GABRB2: variants seen among roughly 807,000 people sequenced by gnomAD.
GABRB2 encodes the protein gamma-aminobutyric acid receptor subunit beta-2.
GABRB2 carries 16 observed loss-of-function variants against 54.7 expected under a neutral mutation model. The observed-to-expected ratio is 0.29, with a 90% CI of 0.20 to 0.44. GABRB2 has a LOEUF of 0.44. GABRB2 is among the 20% of genes least tolerant of loss of function. The pLI, the probability that GABRB2 is intolerant of heterozygous loss-of-function variation, is 1.00. For missense variants in GABRB2, 355 were observed against 644.0 expected (o/e 0.55, Z 4.86); for synonymous variants, 244 against 233.8 (o/e 1.04, Z -0.40).
intron 4 of GABRB2, among the ~76,000 whole-genome samples, chr5:161,448,848 C>T (rs1178978624): frequency 6.6e-6 from 1 of 152,070 alleles, no homozygotes; most frequent in Non-Finnish European, 1.5e-5. Context: ...TTAAGTTACA[C>T]CTGAGGAATG....
chr5:161,457,259 C>T (rs1289401533), intron 4 of GABRB2, among the ~76,000 whole-genome samples: 2 of 151,824 alleles, frequency 1.3e-5, no homozygotes, highest in Non-Finnish European at 2.9e-5. Context: ...TTTTAATAGC[C>T]CTTGATGGAA....
chr5:161,530,867 G>T (rs1270249875), intron 3 of GABRB2, among the ~76,000 whole-genome samples: 1 of 152,058 alleles, frequency 6.6e-6, no homozygotes, highest in African/African-American at 2.4e-5. Flanking sequence ...TACACCAGAT[G>T]CAAATGTGCA....
chr5:161,463,317 CCACACACACACA>C (rs137863733), intron 3 of GABRB2, among the ~76,000 whole-genome samples: 6 of 141,188 alleles, frequency 4.2e-5, no homozygotes, highest in Admixed American at 1.4e-4. Context: ...TACACACACA[CCACACACACACA>C]CACACACACA....
At chr5:161,390,703 T>A (rs1486906817) in intron 5 of GABRB2, among the ~76,000 whole-genome samples, 4 of 152,016 alleles carry the variant, frequency 2.6e-5, no homozygotes, top group African/African-American at 4.8e-5. Context: ...TTAAAAAATT[T>A]AAAAAAATAG....
At chr5:161,442,336 G>A (rs1458373754) in intron 4 of GABRB2, among the ~76,000 whole-genome samples, 1 of 152,144 alleles carries the variant, frequency 6.6e-6, no homozygotes, top group East Asian at 1.9e-4. Context: ...AGTAAGTAAA[G>A]TATCATGAGC....
intron 5 of GABRB2, among the ~76,000 whole-genome samples, chr5:161,349,188 C>A (rs139564626): frequency 5.3e-5 from 8 of 152,106 alleles, no homozygotes; most frequent in South Asian, 2.1e-4. Flanking sequence ...TTATGCAAAT[C>A]TGTTCTTTTC....
chr5:161,396,783 T>C (rs976625185), intron 5 of GABRB2, among the ~76,000 whole-genome samples: 1 of 152,180 alleles, frequency 6.6e-6, no homozygotes, highest in Non-Finnish European at 1.5e-5. Context: ...AATTATACCT[T>C]AATAAAGTTA....
chr5:161,428,693 G>T (rs1327217813), intron 4 of GABRB2, among the ~76,000 whole-genome samples: 2 of 152,136 alleles, frequency 1.3e-5, no homozygotes, highest in East Asian at 3.9e-4. Context: ...ATTCAGCATG[G>T]TGCTTGCTAA....
chr5:161,403,505 A>G (rs1349329086), intron 5 of GABRB2, among the ~76,000 whole-genome samples: 1 of 152,162 alleles, frequency 6.6e-6, no homozygotes, highest in Non-Finnish European at 1.5e-5. Flanking sequence ...TTAGTCTTTT[A>G]TTTACAAACA....
At position 161,463,551 on chromosome 5, in the gene GABRB2, T is replaced by TTTTA. The variant is rs1554102435; in HGVS notation, c.238-3708_238-3707insTAAA. Among the ~76,000 whole-genome samples, 17 of 30,246 alleles carry TTTTA rather than the reference T, an allele frequency of 5.6e-4. 1 individual carries two copies. Among genetic ancestry groups the TTTTA allele is most frequent in the African/African-American group, 1.5e-3 (14 of 9,344 alleles). 19.8% of individuals were successfully genotyped at this position (30,246 alleles called of 152,430 possible). On this transcript the variant is annotated intron_variant, in intron 3 of 9. Coordinates refer to ENST00000393959, the MANE Select transcript of GABRB2 (RefSeq NM_001371727.1). Reference sequence around the variant, plus strand: ...GTTGACAAGGTGATTCCAAATATTTTTATTTATATATATATATATATATAT... The same window carrying TTTTA: ...GTTGACAAGGTGATTCCAAATATTTTTTTATATTTATATATATATATATATATAT...
At chr5:161,396,713 A>T (rs1226793551) in intron 5 of GABRB2, among the ~76,000 whole-genome samples, 3 of 152,188 alleles carry the variant, frequency 2.0e-5, no homozygotes, top group Admixed American at 2.0e-4. Context: ...TCATTTCATA[A>T]TGTATTTATA....
At chr5:161,512,330 T>C (rs1759798727) in intron 3 of GABRB2, among the ~76,000 whole-genome samples, 1 of 151,976 alleles carries the variant, frequency 6.6e-6, no homozygotes, top group South Asian at 2.1e-4. Flanking sequence ...CTTACTCAAC[T>C]TCAAACAATA....
At chr5:161,423,930 A>G (rs1756924801) in intron 4 of GABRB2, among the ~76,000 whole-genome samples, 1 of 152,148 alleles carries the variant, frequency 6.6e-6, no homozygotes, top group African/African-American at 2.4e-5. Flanking sequence ...GATGTGGAGA[A>G]AGTTTTAGTG....
chr5:161,507,454 T>A (rs1034064785), intron 3 of GABRB2, among the ~76,000 whole-genome samples: 1 of 152,080 alleles, frequency 6.6e-6, no homozygotes, highest in Admixed American at 6.6e-5. Flanking sequence ...GCAACTCTTC[T>A]GTAAGTCTAA....
At chr5:161,435,669 CAGGATGGTGGGCAG>C (rs1361103296) in intron 4 of GABRB2, among the ~76,000 whole-genome samples, 1 of 152,116 alleles carries the variant, frequency 6.6e-6, no homozygotes, top group African/African-American at 2.4e-5. Context: ...TAAGTTAGTA[CAGGATGGTGGGCAG>C]AGGGCCCAAT....
At chr5:161,546,771 G>C (rs960238322), upstream of GABRB2, 1 of 1,495,556 alleles carries the variant, frequency 6.7e-7, no homozygotes, top group Non-Finnish European at 8.9e-7. Flanking sequence ...GGGAAGCGGC[G>C]GCTGCCGGGG....
At chr5:161,383,864 A>G (rs145878985) in intron 5 of GABRB2, among the ~76,000 whole-genome samples, 9 of 152,374 alleles carry the variant, frequency 5.9e-5, no homozygotes, top group Non-Finnish European at 8.8e-5. Flanking sequence ...TGCTTAAAGT[A>G]TGTATGTATA....
At chr5:161,397,563 T>C (rs1756042008) in intron 5 of GABRB2, among the ~76,000 whole-genome samples, 1 of 152,208 alleles carries the variant, frequency 6.6e-6, no homozygotes, top group Non-Finnish European at 1.5e-5. Context: ...AAAGAAGTCC[T>C]GTTTATCAGA....
chr5:161,367,362 T>C (rs1454721001), intron 5 of GABRB2, among the ~76,000 whole-genome samples: 2 of 152,224 alleles, frequency 1.3e-5, no homozygotes, highest in Non-Finnish European at 2.9e-5. Flanking sequence ...ATGCTTAGCA[T>C]GAGACCTGGC....
Sources: allele counts gnomAD v4.1 joint callset (sites outside exome capture counted in the v4.1 genomes callset), GRCh38; gene constraint gnomAD v4.1.1; transcripts MANE v1.5; gene names NCBI Gene and HGNC (gene_info 2026-07-23, HGNC 2026-07-21).